Variants in DNAH3 observed in about 807,000 individuals in gnomAD.
DNAH3 encodes the protein dynein axonemal heavy chain 3.
In DNAH3, 332 loss-of-function variants were observed where a neutral mutation model predicts 432.5. The observed-to-expected ratio is 0.77, with a 90% confidence interval of 0.70 to 0.84. The LOEUF is 0.84. DNAH3 is among the 40% of genes least tolerant of loss of function. The pLI, the probability that DNAH3 is intolerant of heterozygous loss-of-function variation, is 0.00. For synonymous variants in DNAH3, 1,956 were observed against 1,900.2 expected (o/e 1.03, Z -0.76); for missense variants, 4,861 against 5,114.0 (o/e 0.95, Z 1.51).
intron 14 of DNAH3, among the ~76,000 whole-genome samples, chr16:21,106,884 G>T (rs530564438): frequency 6.6e-6 from 1 of 152,120 alleles, no homozygotes; most frequent in South Asian, 2.1e-4. Context: ...CAGTTGTAAT[G>T]ATAATAATAC....
At chr16:20,965,499 G>A (rs1200684190) in intron 52 of DNAH3, 74 bp from the exon 53 acceptor site, 1 of 1,291,682 alleles carries the variant, frequency 7.7e-7, no homozygotes, top group Non-Finnish European at 1.0e-6. Context: ...AGTGGTTACT[G>A]CTGGTATTTG....
exon 53 of DNAH3, chr16:20,965,090 C>A: frequency 6.2e-7 from 1 of 1,614,160 alleles, no homozygotes; most frequent in Non-Finnish European, 8.5e-7. Flanking sequence ...CGATCTACCA[C>A]CAGCTTCAGC....
Position 21,125,038 on chromosome 16 carries a change from G to A in DNAH3, c.1404+137C>T. 1.6e-5 allele frequency: 10 copies of A among 612,728 alleles called. 1 individual carries two copies. The South Asian group carries it at 2.7e-4, about 17-fold the overall frequency. The allele number at this position is 612,728 out of a possible 1,614,324, so 38.0% of individuals were successfully genotyped here. ...AAGACATTTTTATAAACTAACAACT[G>A]CCTGATGTGGGTGGAAGTCAAGCAT... On this transcript the variant is annotated intron_variant, in intron 9 of 61. Transcript: ENST00000261383.
At chr16:20,970,016 G>A in intron 51 of DNAH3, 26 bp from the exon 52 acceptor site, 2 of 1,610,472 alleles carry the variant, frequency 1.2e-6, no homozygotes, top group Non-Finnish European at 1.7e-6. Flanking sequence ...GGACAAAGGA[G>A]ATGAGTGCCC....
At chr16:20,988,472 T>C (rs896610722) in intron 44 of DNAH3, among the ~76,000 whole-genome samples, 3 of 152,184 alleles carry the variant, frequency 2.0e-5, no homozygotes, top group Non-Finnish European at 2.9e-5. Flanking sequence ...TGGAGTGCAG[T>C]GGTGCCATCT....
chr16:21,116,386 G>A (rs778243489), intron 12 of DNAH3, among the ~76,000 whole-genome samples: 2 of 151,984 alleles, frequency 1.3e-5, no homozygotes, highest in East Asian at 1.9e-4. Context: ...GAGTTCTCAC[G>A]AGATCTGATG....
At chr16:21,099,672 G>GA (rs1251115764) in intron 16 of DNAH3, among the ~76,000 whole-genome samples, 1 of 151,874 alleles carries the variant, frequency 6.6e-6, no homozygotes, top group African/African-American at 2.4e-5. Flanking sequence ...AACAAGGATA[G>GA]AAAAAATGCC....
intron 9 of DNAH3, among the ~76,000 whole-genome samples, chr16:21,123,601 T>C (rs967078138): frequency 1.3e-5 from 2 of 152,204 alleles, no homozygotes; most frequent in African/African-American, 4.8e-5. Context: ...AAAAGACCAA[T>C]TGTTAATCTT....
exon 36 of DNAH3, chr16:21,034,085 T>C (rs1275491840): frequency 1.3e-6 from 2 of 1,599,744 alleles, no homozygotes; most frequent in Non-Finnish European, 1.7e-6. Context: ...ATTTCGTAGA[T>C]CTGGGAGGAG....
intron 59 of DNAH3, among the ~76,000 whole-genome samples, chr16:20,939,319 G>A (rs575644523): frequency 6.6e-6 from 1 of 152,284 alleles, no homozygotes; most frequent in East Asian, 1.9e-4. Context: ...TGACTCTAAA[G>A]AGTAACCCTA....
intron 56 of DNAH3, 26 bp from the exon 57 acceptor site, chr16:20,948,663 G>T (rs1325331028): frequency 8.1e-6 from 13 of 1,613,316 alleles, no homozygotes; most frequent in Non-Finnish European, 9.3e-6. Context: ...AGAAGGAGAG[G>T]TTGAGCCCAG....
At chr16:21,042,245 T>G in intron 31 of DNAH3, 42 bp from the exon 32 acceptor site, 1 of 1,542,894 alleles carries the variant, frequency 6.5e-7, no homozygotes, top group Non-Finnish European at 8.7e-7. Flanking sequence ...TCTGCTTCTG[T>G]CTGACAACCA....
chr16:21,134,144 T>C, intron 7 of DNAH3, 115 bp downstream of exon 8: 2 of 1,069,544 alleles, frequency 1.9e-6, no homozygotes, highest in East Asian at 2.6e-5. Context: ...GATTTTTTTT[T>C]CTTTCATTTC....
intron 27 of DNAH3, among the ~76,000 whole-genome samples, chr16:21,055,119 G>A (rs946288170): frequency 6.6e-6 from 1 of 151,850 alleles, no homozygotes; most frequent in Non-Finnish European, 1.5e-5. Flanking sequence ...AGACAGTAGG[G>A]CAATTGGCTA....
intron 44 of DNAH3, 67 bp from the exon 45 acceptor site, chr16:20,988,132 AG>A: frequency 6.3e-7 from 1 of 1,592,726 alleles, no homozygotes; most frequent in Non-Finnish European, 8.5e-7. Flanking sequence ...CTGTGACCCT[AG>A]GATGCACACG....
exon 44 of DNAH3, chr16:20,997,426 G>A (rs2086809748): frequency 6.2e-7 from 1 of 1,614,046 alleles, no homozygotes; most frequent in Non-Finnish European, 8.5e-7. Flanking sequence ...GGGTGGCTGG[G>A]CCCCATACAC....
chr16:21,151,019 C>T (rs1478656244), intron 1 of DNAH3, among the ~76,000 whole-genome samples, 173 bp from the exon 1 acceptor site: 1 of 152,140 alleles, frequency 6.6e-6, no homozygotes, highest in East Asian at 1.9e-4. Flanking sequence ...TAGCAATGTT[C>T]CAGGAATAAC....
chr16:21,141,123 A>T (rs1447979145), intron 4 of DNAH3, among the ~76,000 whole-genome samples, 177 bp downstream of exon 5: 1 of 152,012 alleles, frequency 6.6e-6, no homozygotes, highest in South Asian at 2.1e-4. Flanking sequence ...CGGGCAACAG[A>T]GCAAGACTCC....
At chr16:20,941,474 T>C in exon 59 of DNAH3, 2 of 1,614,208 alleles carry the variant, frequency 1.2e-6, no homozygotes. Flanking sequence ...TACAACTTCA[T>C]GACCTCTTCC....
Sources: allele counts gnomAD v4.1 joint callset (sites outside exome capture counted in the v4.1 genomes callset), GRCh38; gene constraint gnomAD v4.1.1; transcripts MANE v1.5; gene names NCBI Gene and HGNC (gene_info 2026-07-23, HGNC 2026-07-21).